The following LINGO2 variants were observed in gnomAD, a reference collection of about 807,000 sequenced individuals.
LINGO2 encodes leucine rich repeat and Ig domain containing 2.
In LINGO2, 14 loss-of-function variants were observed where a neutral mutation model predicts 30.6. That is an observed-to-expected ratio of 0.46 (90% CI 0.30 to 0.72). The LOEUF (loss-of-function observed/expected upper bound fraction) is 0.72. LINGO2 is among the 30% of genes least tolerant of loss of function. The pLI is 0.07. For missense variants in LINGO2, 729 were observed against 751.7 expected, an observed-to-expected ratio of 0.97 and a Z score of 0.35; for synonymous variants, 317 against 288.5, an observed-to-expected ratio of 1.10 and a Z score of -1.00.
At chr9:28,516,302 C>A (rs539390143) in intron 1 of LINGO2, among the ~76,000 whole-genome samples, 1 of 152,078 alleles carries the variant, frequency 6.6e-6, no homozygotes, top group Non-Finnish European at 1.5e-5. Context: ...TAGGTAGGAT[C>A]ATTTCAAAAT....
chr9:28,575,997 C>A (rs1823966289), intron 1 of LINGO2, among the ~76,000 whole-genome samples: 1 of 152,030 alleles, frequency 6.6e-6, no homozygotes, highest in Admixed American at 6.6e-5. Context: ...TGCAGATCCT[C>A]CTCTACTTAC....
At chr9:28,196,495 T>C (rs1820017966) in intron 4 of LINGO2, among the ~76,000 whole-genome samples, 1 of 151,700 alleles carries the variant, frequency 6.6e-6, no homozygotes, top group African/African-American at 2.4e-5. Context: ...AAATACCCCA[T>C]TTACAATGGA....
chr9:28,742,376 T>C, the LINGO2 span, among the ~76,000 whole-genome samples: 10 of 151,868 alleles, frequency 6.6e-5, no homozygotes, highest in African/African-American at 2.4e-5. Flanking sequence ...TTCACATTGA[T>C]GTGTCTGAGG....
chr9:28,902,722 A>G, the LINGO2 span, among the ~76,000 whole-genome samples: 247 of 152,252 alleles, frequency 1.6e-3, no homozygotes, highest in Admixed American at 3.5e-3. Context: ...AGAAACAATA[A>G]CAGAAAGAAT....
chr9:28,274,411 T>C (rs1188133354), intron 4 of LINGO2, among the ~76,000 whole-genome samples: 1 of 152,228 alleles, frequency 6.6e-6, no homozygotes, highest in Non-Finnish European at 1.5e-5. Flanking sequence ...ATATATTTGA[T>C]AGCATATTCT....
chr9:28,550,757 C>T (rs1441140783), intron 1 of LINGO2, among the ~76,000 whole-genome samples: 1 of 151,624 alleles, frequency 6.6e-6, no homozygotes, highest in Non-Finnish European at 1.5e-5. Flanking sequence ...TGAACTAAAG[C>T]TACATGCATC....
At chr9:28,491,345 C>T (rs1321220896) in intron 1 of LINGO2, among the ~76,000 whole-genome samples, 1 of 152,176 alleles carries the variant, frequency 6.6e-6, no homozygotes, top group African/African-American at 2.4e-5. Flanking sequence ...ACATTGCCTT[C>T]TTATCTGTTT....
chr9:28,668,735 A>C (rs1172014266), intron 1 of LINGO2, among the ~76,000 whole-genome samples: 1 of 152,176 alleles, frequency 6.6e-6, no homozygotes, highest in African/African-American at 2.4e-5. Context: ...GATATATTCA[A>C]AAAAGCAATT....
the LINGO2 span, among the ~76,000 whole-genome samples, chr9:28,851,199 T>C: frequency 2.6e-5 from 4 of 152,044 alleles, no homozygotes; most frequent in African/African-American, 9.7e-5. Flanking sequence ...TTTATTATCA[T>C]TGGGCTAAAA....
the LINGO2 span, among the ~76,000 whole-genome samples, chr9:28,718,984 C>T: frequency 3.9e-5 from 6 of 152,030 alleles, no homozygotes; most frequent in Admixed American, 2.0e-4. Flanking sequence ...CTTCTCAGTG[C>T]TTCTACTCAG....
At chr9:28,201,883 C>T (rs1008241345) in intron 4 of LINGO2, among the ~76,000 whole-genome samples, 6 of 152,070 alleles carry the variant, frequency 3.9e-5, no homozygotes, top group African/African-American at 1.4e-4. Flanking sequence ...GCCCACCGCT[C>T]TAGCAGTTGA....
the LINGO2 span, among the ~76,000 whole-genome samples, chr9:29,209,095 G>A: frequency 1.2e-4 from 19 of 152,168 alleles, no homozygotes; most frequent in African/African-American, 4.3e-4. Context: ...TGCTGAATAT[G>A]AACATTACAT....
the LINGO2 span, among the ~76,000 whole-genome samples, chr9:28,957,425 T>C: frequency 2.0e-5 from 3 of 152,202 alleles, no homozygotes; most frequent in South Asian, 4.1e-4. Flanking sequence ...GAAAATTATC[T>C]GCCTGAAGTA....
the LINGO2 span, among the ~76,000 whole-genome samples, chr9:28,726,572 C>G: frequency 6.6e-6 from 1 of 152,064 alleles, no homozygotes; most frequent in African/African-American, 2.4e-5. Flanking sequence ...TAATCTGGAA[C>G]AATCTTTAAA....
chr9:29,155,914 C>T, the LINGO2 span, among the ~76,000 whole-genome samples: 1 of 151,914 alleles, frequency 6.6e-6, no homozygotes, highest in African/African-American at 2.4e-5. Flanking sequence ...AACAAAAAAA[C>T]ACCCACCTTC....
At chr9:28,794,836 CT>C in the LINGO2 span, among the ~76,000 whole-genome samples, 80 of 145,032 alleles carry the variant, frequency 5.5e-4, no homozygotes, top group South Asian at 1.7e-3. Flanking sequence ...TTTTTTCTTT[CT>C]TTTTTTTTTT....
chr9:28,785,141 C>T, the LINGO2 span, among the ~76,000 whole-genome samples: 1 of 152,052 alleles, frequency 6.6e-6, no homozygotes, highest in Non-Finnish European at 1.5e-5. Flanking sequence ...ACAGAAATGG[C>T]ACATACTCTA....
At chr9:29,026,757 A>G in the LINGO2 span, among the ~76,000 whole-genome samples, 1 of 152,108 alleles carries the variant, frequency 6.6e-6, no homozygotes, top group African/African-American at 2.4e-5. Context: ...GAGATACTTA[A>G]TTTTAAAATT....
the LINGO2 span, among the ~76,000 whole-genome samples, chr9:28,842,680 C>T: frequency 6.6e-6 from 1 of 151,828 alleles, no homozygotes; most frequent in African/African-American, 2.4e-5. Context: ...GTCACAGGCC[C>T]TCACATCCTC....
Sources: allele counts gnomAD v4.1 joint callset (sites outside exome capture counted in the v4.1 genomes callset), GRCh38; gene constraint gnomAD v4.1.1; transcripts MANE v1.5; gene names NCBI Gene and HGNC (gene_info 2026-07-23, HGNC 2026-07-21).